Variants in PSAT1 observed in about 807,000 individuals in gnomAD.
PSAT1 encodes phosphoserine aminotransferase.
PSAT1 carries 41 observed loss-of-function variants against 40.3 expected under a neutral mutation model. The ratio of observed to expected loss-of-function variants is 1.02; its 90% confidence interval spans 0.79 to 1.32. The LOEUF (loss-of-function observed/expected upper bound fraction) is 1.32, where lower values mean the gene tolerates loss of function less well. Among genes scored for constraint, PSAT1 ranks in the 40% most tolerant of loss-of-function variants. The pLI is 0.00. For missense variants in PSAT1, 406 were observed against 455.8 expected, an observed-to-expected ratio of 0.89 and a Z score of 0.99; for synonymous variants, 147 against 170.5, an observed-to-expected ratio of 0.86 and a Z score of 1.07.
chr9:78,328,891 C>A, intron 8 of PSAT1, 90 bp from the exon 9 acceptor site: 1 of 1,001,374 alleles, frequency 1.0e-6, no homozygotes, highest in Non-Finnish European at 1.6e-6. Context: ...TCAGGTGCTG[C>A]AACTCTCAGG....
At chr9:78,328,602 CA>C (rs1828534758) in intron 8 of PSAT1, among the ~76,000 whole-genome samples, 1 of 117,448 alleles carries the variant, frequency 8.5e-6, no homozygotes, top group Non-Finnish European at 1.6e-5. Flanking sequence ...AGAATAGCAG[CA>C]GGGAATGTCC....
At chr9:78,298,220 C>T in intron 1 of PSAT1, 1 of 962,034 alleles carries the variant, frequency 1.0e-6, no homozygotes, top group Non-Finnish European at 1.2e-6. Flanking sequence ...GGCAAAGTCT[C>T]CGATGTGCCT....
chr9:78,314,357 G>A (rs1313872510), intron 6 of PSAT1, among the ~76,000 whole-genome samples: 1 of 87,676 alleles, frequency 1.1e-5, no homozygotes, highest in Admixed American at 1.2e-4. Flanking sequence ...AGAGGGCTGG[G>A]TGGGAGGGGA....
At chr9:78,306,536 A>G (rs944477599) in intron 5 of PSAT1, 50 bp downstream of exon 5, 1 of 1,607,580 alleles carries the variant, frequency 6.2e-7, no homozygotes, top group South Asian at 1.1e-5. Flanking sequence ...CGGTGTCTGC[A>G]GGGACATTTT....
chr9:78,317,442 G>C (rs1341145502), intron 6 of PSAT1, among the ~76,000 whole-genome samples: 1 of 152,134 alleles, frequency 6.6e-6, no homozygotes, highest in Admixed American at 6.5e-5. Flanking sequence ...TATGGAGACG[G>C]GTCTTGCTAT....
At chr9:78,299,199 A>G (rs1203002372) in intron 1 of PSAT1, among the ~76,000 whole-genome samples, 1 of 110,460 alleles carries the variant, frequency 9.1e-6, no homozygotes, top group Non-Finnish European at 1.8e-5. Flanking sequence ...AAAGCAATGC[A>G]TTCTTCAACT....
At chr9:78,308,118 G>T (rs551985578) in intron 5 of PSAT1, among the ~76,000 whole-genome samples, 1 of 152,140 alleles carries the variant, frequency 6.6e-6, no homozygotes, top group Admixed American at 6.5e-5. Context: ...TTCTACTTTG[G>T]GGGTAGAAAG....
At position 78,306,502 on chromosome 9, in the gene PSAT1, C is replaced by T. The variant is rs1828186607; in HGVS notation, c.570+16C>T. The T allele has an allele frequency of 3.1e-6, 5 of 1,614,010 alleles. No homozygotes were observed. The highest frequency in any genetic ancestry group is 4.2e-6 in the Non-Finnish European group (5 of 1,180,000). On this transcript the variant is annotated intron_variant, in intron 5 of 8. Coordinates refer to ENST00000376588, the MANE Select transcript of PSAT1 (RefSeq NM_058179.4). ...TGTTTCCAAGGTAGAGTATAAAAGGCAGGGTGAGGGGAACCCACTGACTCG... is the reference window on the plus strand; with the variant it reads ...TGTTTCCAAGGTAGAGTATAAAAGGTAGGGTGAGGGGAACCCACTGACTCG...
chr9:78,298,030 G>A (rs1828052832), intron 1 of PSAT1, among the ~76,000 whole-genome samples: 1 of 149,408 alleles, frequency 6.7e-6, no homozygotes, highest in African/African-American at 2.5e-5. Flanking sequence ...GGTAGACTTT[G>A]GGCTGCTTAA....
intron 7 of PSAT1, among the ~76,000 whole-genome samples, chr9:78,320,817 G>A (rs1191529728): frequency 6.6e-6 from 1 of 152,160 alleles, no homozygotes; most frequent in African/African-American, 2.4e-5. Context: ...ACCTGAATGT[G>A]AGTAAAAGCA....
Sources: gnomAD v4.1 joint callset for allele counts (sites outside exome capture counted in the v4.1 genomes callset) on GRCh38, gnomAD v4.1.1 for gene constraint, MANE v1.5 for transcripts, NCBI Gene and HGNC (gene_info 2026-07-23, HGNC 2026-07-21) for gene names.